The following AFF1 variants were observed in gnomAD, a reference collection of about 807,000 sequenced individuals.
AFF1 encodes AF4/FMR2 family member 1.
Under a neutral mutation model 121.7 loss-of-function variants are expected in AFF1, and 48 were observed. The ratio of observed to expected loss-of-function variants is 0.39; its 90% confidence interval spans 0.31 to 0.50. AFF1 has a LOEUF of 0.50. Among genes scored for constraint, AFF1 ranks in the 20% least tolerant of loss-of-function variants. The pLI, the probability that AFF1 is intolerant of heterozygous loss-of-function variation, is 0.76. For synonymous variants in AFF1, 613 were observed against 563.0 expected (o/e 1.09, Z -1.26); for missense variants, 1,523 against 1,511.7 (o/e 1.01, Z -0.12).
At chr4:87,066,293 G>A (rs937749146) in intron 4 of AFF1, among the ~76,000 whole-genome samples, 1 of 152,170 alleles carries the variant, frequency 6.6e-6, no homozygotes, top group Non-Finnish European at 1.5e-5. Flanking sequence ...ACCGGTCATT[G>A]CCCTGCAGAC....
chr4:86,983,156 C>A (rs1249298785), intron 2 of AFF1, among the ~76,000 whole-genome samples: 2 of 152,040 alleles, frequency 1.3e-5, no homozygotes, highest in Non-Finnish European at 2.9e-5. Context: ...TTTAGGAGAC[C>A]AAGGCTGGCA....
chr4:87,000,603 C>CTGTGTGTGTGTGTGTG (rs777829987), intron 2 of AFF1, among the ~76,000 whole-genome samples: 5 of 76,758 alleles, frequency 6.5e-5, no homozygotes, highest in Non-Finnish European at 1.3e-4. Context: ...AAAAAATAAA[C>CTGTGTGTGTGTGTGTG]TCTGTGTGTG....
intron 2 of AFF1, among the ~76,000 whole-genome samples, chr4:87,015,979 G>C (rs761138918): frequency 6.6e-6 from 1 of 152,228 alleles, no homozygotes; most frequent in Non-Finnish European, 1.5e-5. Flanking sequence ...TCAGGAGTTT[G>C]AGAGCAGCCT....
At chr4:87,029,426 T>A (rs1728851368) in intron 2 of AFF1, among the ~76,000 whole-genome samples, 1 of 152,214 alleles carries the variant, frequency 6.6e-6, no homozygotes, top group South Asian at 2.1e-4. Context: ...TCTTTTTATG[T>A]ACGTAAAGGT....
intron 2 of AFF1, among the ~76,000 whole-genome samples, chr4:86,969,135 G>T (rs992785471): frequency 6.6e-6 from 1 of 150,920 alleles, no homozygotes; most frequent in Non-Finnish European, 1.5e-5. Flanking sequence ...GTGACATCCT[G>T]TCTTGACCAG....
chr4:87,006,666 C>T (rs1484252362), intron 2 of AFF1, among the ~76,000 whole-genome samples: 1 of 152,240 alleles, frequency 6.6e-6, no homozygotes, highest in Non-Finnish European at 1.5e-5. Flanking sequence ...CCTCTGGGGG[C>T]CCCATATTCA....
rs1180265867 is a variant in AFF1, at chr4:87,032,761, TTGAAG to T, written c.39-13402_39-13398del. Among the ~76,000 whole-genome samples, 3 of 152,216 alleles carry T rather than the reference TTGAAG, an allele frequency of 2.0e-5. No individual in the cohort carries two copies. The East Asian group carries it at 5.8e-4, about 29-fold the overall frequency. On this transcript the variant is annotated intron_variant, in intron 2 of 20. Transcript: ENST00000395146. ...TATACTCTCCCATGATAGAATGAGC[TTGAAG>T]TGGAGAGTGGAGGAGCCCTACAATT...
intron 1 of AFF1, 87 bp from the exon 2 acceptor site, chr4:86,948,411 C>T: frequency 2.5e-6 from 2 of 813,914 alleles, no homozygotes; most frequent in Non-Finnish European, 3.7e-6. Context: ...GGAATTCTGT[C>T]TCCAATAAAG....
At chr4:87,091,707 T>C in intron 6 of AFF1, 86 bp from the exon 7 acceptor site, 3 of 928,916 alleles carry the variant, frequency 3.2e-6, no homozygotes, top group African/African-American at 1.7e-5. Flanking sequence ...AAGACTATCC[T>C]TTTAATACTA....
chr4:86,954,588 T>G (rs1721608607), intron 2 of AFF1, among the ~76,000 whole-genome samples: 1 of 152,080 alleles, frequency 6.6e-6, no homozygotes, highest in African/African-American at 2.4e-5. Context: ...TAGCCACCTG[T>G]AGTCCCAGCT....
In AFF1 at chr4:87,081,152, A is replaced by ATTTTTT. The variant is rs549510832; in HGVS notation, c.1060-2946_1060-2941dup. Reference sequence around the variant, plus strand: ...TTGTAGTTTTTCTCTAATGAAATGAATTTTTTTTTTTTTTTTTTTTTTTTT... The same window carrying ATTTTTT: ...TTGTAGTTTTTCTCTAATGAAATGAATTTTTTTTTTTTTTTTTTTTTTTTTTTTTTT... On this transcript the variant is annotated intron_variant, in intron 4 of 20. Transcript: ENST00000395146. 1.2e-3 allele frequency among the ~76,000 whole-genome samples: 107 copies of ATTTTTT among 89,722 alleles called. 16 individuals are homozygous for ATTTTTT. The highest frequency in any genetic ancestry group is 2.6e-3 in the African/African-American group (59 of 22,708). The allele number at this position is 89,722 out of a possible 152,430, so 58.9% of individuals were successfully genotyped here.
chr4:87,055,004 G>A (rs1340812189), intron 4 of AFF1, among the ~76,000 whole-genome samples: 2 of 152,104 alleles, frequency 1.3e-5, no homozygotes, highest in Non-Finnish European at 1.5e-5. Context: ...AATCTTTAGA[G>A]TTTCTCTCTC....
chr4:86,938,075 G>T (rs1023625259), intron 1 of AFF1, among the ~76,000 whole-genome samples: 17 of 152,288 alleles, frequency 1.1e-4, no homozygotes, highest in Non-Finnish European at 2.4e-4. Context: ...TGGGCCCAAA[G>T]TTCCTTTATT....
intron 2 of AFF1, among the ~76,000 whole-genome samples, chr4:86,988,203 C>T (rs893966899): frequency 6.6e-6 from 1 of 152,082 alleles, no homozygotes; most frequent in Non-Finnish European, 1.5e-5. Context: ...CCTTCTCTTG[C>T]AACTGCTTTG....
At chr4:86,949,614 T>C in intron 2 of AFF1, 4 of 1,384,730 alleles carry the variant, frequency 2.9e-6, no homozygotes, top group Non-Finnish European at 3.9e-6. Flanking sequence ...GCCCCACTCC[T>C]CCCCCAGAAT....
intron 5 of AFF1, among the ~76,000 whole-genome samples, chr4:87,087,752 C>T (rs1284759854): frequency 6.6e-6 from 1 of 152,216 alleles, no homozygotes; most frequent in Non-Finnish European, 1.5e-5. Context: ...GATTTAATAG[C>T]TGGGACAGCC....
Position 87,139,885 on chromosome 4 carries a change from A to G in AFF1, c.*4184A>G, listed in dbSNP as rs1186053225. ...TCTTCATGAATTGTGAGCACTGACC[A>G]TGTTCTTCAGTTCTTAATTATGGTG... On this transcript the variant is annotated 3_prime_UTR_variant, in exon 21 of 21. Coordinates refer to ENST00000395146, the MANE Select transcript of AFF1 (RefSeq NM_001166693.3). 1.4e-5 allele frequency: 3 copies of G among 221,452 alleles called. No individual in the cohort carries two copies. Among genetic ancestry groups the G allele is most frequent in the African/African-American group, 6.7e-5 (3 of 44,586 alleles). The allele number at this position is 221,452 out of a possible 1,614,324, so 13.7% of individuals were successfully genotyped here. A position where few individuals can be genotyped will look rare whatever the true frequency, so the allele number is the denominator to read the frequency against.
At chr4:87,043,200 G>T (rs1730331736) in intron 2 of AFF1, among the ~76,000 whole-genome samples, 1 of 152,192 alleles carries the variant, frequency 6.6e-6, no homozygotes, top group Admixed American at 6.5e-5. Context: ...GGCTATAGGG[G>T]CTCTGCTGTT....
intron 4 of AFF1, among the ~76,000 whole-genome samples, chr4:87,062,725 A>G (rs1720906880): frequency 6.9e-6 from 1 of 144,778 alleles, no homozygotes; most frequent in South Asian, 2.3e-4. Flanking sequence ...AGCAATATTA[A>G]TCACTTAGTT....
Sources: allele counts gnomAD v4.1 joint callset (sites outside exome capture counted in the v4.1 genomes callset), GRCh38; gene constraint gnomAD v4.1.1; transcripts MANE v1.5; gene names NCBI Gene and HGNC (gene_info 2026-07-23, HGNC 2026-07-21).